Variants in TMEM255B observed in about 807,000 individuals in gnomAD.
TMEM255B encodes transmembrane protein 255B.
In TMEM255B, 35 loss-of-function variants were observed where a neutral mutation model predicts 34.5. That is an observed-to-expected ratio of 1.01 (90% CI 0.77 to 1.34). The LOEUF (loss-of-function observed/expected upper bound fraction) is 1.34. TMEM255B is among the 40% of genes most tolerant of loss of function. The pLI is 0.00. For synonymous variants in TMEM255B, 206 were observed against 201.2 expected (o/e 1.02, Z -0.20); for missense variants, 432 against 433.2 (o/e 1.00, Z 0.02).
intron 1 of TMEM255B, among the ~76,000 whole-genome samples, chr13:113,763,472 C>T (rs1202943787): frequency 6.6e-6 from 1 of 152,168 alleles, no homozygotes; most frequent in Non-Finnish European, 1.5e-5. Flanking sequence ...CTGTCGCCAT[C>T]GCTCCTGTCT....
Position 113,812,364 on chromosome 13 carries a change from C to T in TMEM255B, c.*461C>T, listed in dbSNP as rs773305238. ...GAAGCCACCCGCCCCTCGTGCTGTGCTCCTGACGTATGCCAGGAAGGGAAG... is the reference window on the plus strand; with the variant it reads ...GAAGCCACCCGCCCCTCGTGCTGTGTTCCTGACGTATGCCAGGAAGGGAAG... On this transcript the variant is annotated 3_prime_UTR_variant, in exon 9 of 9. Coordinates refer to ENST00000375353, the MANE Select transcript of TMEM255B (RefSeq NM_182614.4). The T allele has an allele frequency of 1.6e-4, 27 of 165,094 alleles. No homozygotes were observed. The highest frequency in any genetic ancestry group is 3.2e-4 in the Non-Finnish European group (24 of 76,042). The allele number at this position is 165,094 out of a possible 1,614,324, so 10.2% of individuals were successfully genotyped here. A position where few individuals can be genotyped will look rare whatever the true frequency, so the allele number is the denominator to read the frequency against.
intron 3 of TMEM255B, among the ~76,000 whole-genome samples, chr13:113,788,912 A>T (rs922831974): frequency 6.6e-6 from 1 of 151,032 alleles, no homozygotes; most frequent in Non-Finnish European, 1.5e-5. Context: ...TGCCCCACTC[A>T]TCCTGCCTCG....
intron 3 of TMEM255B, among the ~76,000 whole-genome samples, chr13:113,786,688 C>T (rs1266307021): frequency 1.3e-5 from 2 of 152,098 alleles, no homozygotes; most frequent in East Asian, 1.9e-4. Flanking sequence ...TCACCATCAC[C>T]GTCATCACTG....
chr13:113,763,359 A>G (rs911070658), intron 1 of TMEM255B, among the ~76,000 whole-genome samples: 15 of 152,226 alleles, frequency 9.9e-5, no homozygotes, highest in African/African-American at 3.4e-4. Context: ...AATCAACCAG[A>G]ACGGAGTTTC....
Position 113,798,710 on chromosome 13 carries a change from C to CATGGATGG in TMEM255B, c.343-613_343-606dup, listed in dbSNP as rs539394750. Among the ~76,000 whole-genome samples the CATGGATGG allele has an allele frequency of 2.0e-3, 249 of 125,958 alleles. 1 individual carries two copies. Among genetic ancestry groups the CATGGATGG allele is most frequent in the African/African-American group, 7.3e-3 (234 of 32,112 alleles). 82.6% of individuals were successfully genotyped at this position (125,958 alleles called of 152,430 possible). ...GGATGGATGGAAGGATGGATGGATA[C>CATGGATGG]ATGGATGGATGGATGGATGGATGAA... On this transcript the variant is annotated intron_variant, in intron 4 of 8. Transcript: ENST00000375353.
At chr13:113,780,018 G>A (rs1273339955) in intron 3 of TMEM255B, among the ~76,000 whole-genome samples, 1 of 152,166 alleles carries the variant, frequency 6.6e-6, no homozygotes, top group African/African-American at 2.4e-5. Flanking sequence ...GTCTTTGATG[G>A]AACTTTGTTT....
intron 3 of TMEM255B, among the ~76,000 whole-genome samples, chr13:113,773,274 T>C (rs932216784): frequency 1.3e-5 from 2 of 152,254 alleles, no homozygotes; most frequent in Non-Finnish European, 2.9e-5. Context: ...TGACTTTGTA[T>C]GTTGATCTAA....
rs1181434281 is a variant in TMEM255B at position 113,769,309 on chromosome 13, A to G, written c.252+149A>G. Reference sequence around the variant, plus strand: ...CTGAGGTTCCCGGGCTGTGGCCTGCACAGTCCTGGATACAGGGTTCAGCGA... The same window carrying G: ...CTGAGGTTCCCGGGCTGTGGCCTGCGCAGTCCTGGATACAGGGTTCAGCGA... On this transcript the variant is annotated intron_variant, in intron 3 of 8. Transcript: ENST00000375353. This position sits in a 1 kb window ranked among gnomAD's most constrained non-coding sequence, Gnocchi z 4.2. 16 of 809,454 alleles carry G rather than the reference A, an allele frequency of 2.0e-5. No individual in the cohort carries two copies. The highest frequency in any genetic ancestry group is 3.4e-4 in the Middle Eastern group (1 of 2,910). The allele number at this position is 809,454 out of a possible 1,614,324, so 50.1% of individuals were successfully genotyped here.
At chr13:113,794,157 T>C (rs570808856) in intron 3 of TMEM255B, among the ~76,000 whole-genome samples, 2 of 152,198 alleles carry the variant, frequency 1.3e-5, no homozygotes, top group African/African-American at 4.8e-5. Context: ...GGAACTCCTC[T>C]CTCCACATAC....
At chr13:113,774,950 AAC>A (rs1193039855) in intron 3 of TMEM255B, among the ~76,000 whole-genome samples, 3 of 127,734 alleles carry the variant, frequency 2.3e-5, no homozygotes, top group Non-Finnish European at 5.0e-5. Context: ...CACTGCACAC[AAC>A]ACACGACACA....
At chr13:113,760,155 A>G (rs1421952152) in intron 1 of TMEM255B, among the ~76,000 whole-genome samples, 1 of 152,176 alleles carries the variant, frequency 6.6e-6, no homozygotes, top group Non-Finnish European at 1.5e-5. Flanking sequence ...AAATAATCCA[A>G]CACAAACTTC....
intron 3 of TMEM255B, among the ~76,000 whole-genome samples, chr13:113,773,423 C>A (rs993963174): frequency 1.3e-5 from 2 of 152,186 alleles, no homozygotes; most frequent in Admixed American, 1.3e-4. Flanking sequence ...TGCATGGGGA[C>A]CATTTCTATG....
intron 2 of TMEM255B, chr13:113,768,813 G>C: frequency 3.8e-6 from 2 of 528,398 alleles, no homozygotes; most frequent in Admixed American, 2.3e-5. Context: ...TGTTGTCTCT[G>C]GGGGAGGAGT....
intron 8 of TMEM255B, among the ~76,000 whole-genome samples, chr13:113,807,716 C>T (rs1236593298): frequency 1.2e-4 from 15 of 126,620 alleles, no homozygotes; most frequent in African/African-American, 4.6e-4. Context: ...GGGTGGTCCT[C>T]CCTGTCACAC....
chr13:113,804,572 G>A (rs1238020347), intron 7 of TMEM255B, among the ~76,000 whole-genome samples: 2 of 152,034 alleles, frequency 1.3e-5, no homozygotes, highest in African/African-American at 2.4e-5. Flanking sequence ...ACGCCGGGCC[G>A]GGGTTAGCTC....
chr13:113,804,766 C>T (rs1050158888), intron 7 of TMEM255B, 119 bp from the exon 8 acceptor site: 14 of 758,504 alleles, frequency 1.8e-5, no homozygotes, highest in African/African-American at 4.0e-5. Context: ...CACGCCGGGC[C>T]GGGGTTAGTT....
chr13:113,780,543 A>G (rs2050651230), intron 3 of TMEM255B, among the ~76,000 whole-genome samples: 1 of 152,236 alleles, frequency 6.6e-6, no homozygotes, highest in Admixed American at 6.5e-5. Flanking sequence ...AGGATTAGCA[A>G]CATTTTAAGC....
chr13:113,786,644 AC>A (rs2050750388), intron 3 of TMEM255B, among the ~76,000 whole-genome samples: 2 of 53,810 alleles, frequency 3.7e-5, no homozygotes, highest in African/African-American at 8.3e-5. Context: ...CACCATCATC[AC>A]TGTCGTTACC....
At chr13:113,775,946 C>T (rs1288164096) in intron 3 of TMEM255B, among the ~76,000 whole-genome samples, 1 of 152,216 alleles carries the variant, frequency 6.6e-6, no homozygotes, top group Non-Finnish European at 1.5e-5. Flanking sequence ...GTGCACGTGG[C>T]CTGTGGCATC....
Sources: allele counts gnomAD v4.1 joint callset (sites outside exome capture counted in the v4.1 genomes callset), GRCh38; gene constraint gnomAD v4.1.1; non-coding constraint Gnocchi (gnomAD v3.1); transcripts MANE v1.5; gene names NCBI Gene and HGNC (gene_info 2026-07-23, HGNC 2026-07-21).